The following GALNT13 variants were observed in gnomAD, a reference collection of about 807,000 sequenced individuals.
The protein encoded by GALNT13 is UDP-GalNAc:polypeptide N-acetylgalactosaminyltransferase 13.
Under a neutral mutation model 64.2 loss-of-function variants are expected in GALNT13, and 28 were observed. The ratio of observed to expected loss-of-function variants is 0.44; its 90% confidence interval spans 0.32 to 0.60. The LOEUF is 0.60. Among genes scored for constraint, GALNT13 ranks in the 20% least tolerant of loss-of-function variants. GALNT13 has a pLI of 0.05. For missense variants in GALNT13, 577 were observed against 669.8 expected, an observed-to-expected ratio of 0.86 and a Z score of 1.53; for synonymous variants, 214 against 224.6, an observed-to-expected ratio of 0.95 and a Z score of 0.42.
intron 4 of GALNT13, among the ~76,000 whole-genome samples, chr2:154,213,827 C>T (rs542330387): frequency 1.3e-5 from 2 of 152,034 alleles, no homozygotes; most frequent in African/African-American, 2.4e-5. Context: ...TTTGTATTTA[C>T]CTAAAATCAA....
chr2:154,018,760 A>C (rs1558910972), intron 3 of GALNT13, among the ~76,000 whole-genome samples: 1 of 151,372 alleles, frequency 6.6e-6, no homozygotes. Context: ...ATGAGGGAGA[A>C]AGAGAATGAG....
At chr2:153,935,507 T>A (rs1690842917) in intron 2 of GALNT13, among the ~76,000 whole-genome samples, 1 of 152,220 alleles carries the variant, frequency 6.6e-6, no homozygotes, top group Admixed American at 6.5e-5. Flanking sequence ...AGTGCTCAGA[T>A]ATCAGGAGAA....
At chr2:153,384,542 T>TTG in the GALNT13 span, among the ~76,000 whole-genome samples, 1 of 152,014 alleles carries the variant, frequency 6.6e-6, no homozygotes, top group Non-Finnish European at 1.5e-5. Context: ...TCATTCCAAC[T>TTG]GATTGTTGCC....
At chr2:153,880,157 A>G (rs9288286) in intron 1 of GALNT13, among the ~76,000 whole-genome samples, 76,938 of 151,938 alleles carry the variant, frequency 0.51, 20,605 homozygotes, top group East Asian at 0.9. Context: ...AAATATTCAT[A>G]TTTATGGAAG....
chr2:153,960,137 ACT>A (rs1692844570), intron 3 of GALNT13, among the ~76,000 whole-genome samples: 2 of 151,986 alleles, frequency 1.3e-5, no homozygotes, highest in African/African-American at 4.8e-5. Context: ...AAGTGTTACA[ACT>A]CTGTTTTGCT....
At chr2:153,482,254 A>C in the GALNT13 span, among the ~76,000 whole-genome samples, 1 of 152,178 alleles carries the variant, frequency 6.6e-6, no homozygotes, top group Non-Finnish European at 1.5e-5. Flanking sequence ...GGAAATGGCT[A>C]GGGGGTAGGT....
chr2:153,779,380 TAC>T, the GALNT13 span, among the ~76,000 whole-genome samples: 1 of 152,312 alleles, frequency 6.6e-6, no homozygotes, highest in South Asian at 2.1e-4. Context: ...TTGACACAGT[TAC>T]TACAAAGACA....
At chr2:153,483,940 C>T in the GALNT13 span, among the ~76,000 whole-genome samples, 1 of 152,010 alleles carries the variant, frequency 6.6e-6, no homozygotes, top group Non-Finnish European at 1.5e-5. Context: ...TGAAGAGTTT[C>T]TGGAAATGGA....
the GALNT13 span, among the ~76,000 whole-genome samples, chr2:153,125,777 G>C: frequency 2.0e-5 from 3 of 152,144 alleles, no homozygotes; most frequent in Non-Finnish European, 4.4e-5. Flanking sequence ...TGTCTAATTA[G>C]AATTAGTGTT....
At chr2:153,964,422 C>G (rs1422418914) in intron 3 of GALNT13, among the ~76,000 whole-genome samples, 1 of 152,084 alleles carries the variant, frequency 6.6e-6, no homozygotes, top group Non-Finnish European at 1.5e-5. Flanking sequence ...GCACTCCTGC[C>G]TAGGCTACAG....
the GALNT13 span, among the ~76,000 whole-genome samples, chr2:153,122,631 GA>G: frequency 6.6e-6 from 1 of 152,164 alleles, no homozygotes; most frequent in Non-Finnish European, 1.5e-5. Flanking sequence ...TGGTTGGCTT[GA>G]GCAGAGCTTG....
the GALNT13 span, among the ~76,000 whole-genome samples, chr2:153,179,667 A>T: frequency 6.6e-6 from 1 of 152,092 alleles, no homozygotes; most frequent in African/African-American, 2.4e-5. Context: ...AACAATATTA[A>T]TTTTTCCATA....
At chr2:153,170,181 A>T in the GALNT13 span, among the ~76,000 whole-genome samples, 1 of 152,172 alleles carries the variant, frequency 6.6e-6, no homozygotes, top group African/African-American at 2.4e-5. Flanking sequence ...TCTTTTTAGC[A>T]AACAATAGAG....
chr2:154,340,738 A>G (rs1695714548), intron 9 of GALNT13, among the ~76,000 whole-genome samples: 1 of 152,160 alleles, frequency 6.6e-6, no homozygotes, highest in Admixed American at 6.6e-5. Flanking sequence ...TGCCTAACCT[A>G]AAAAGATTAG....
At chr2:153,435,876 T>G in the GALNT13 span, among the ~76,000 whole-genome samples, 3 of 151,624 alleles carry the variant, frequency 2.0e-5, no homozygotes, top group Admixed American at 1.3e-4. Context: ...TGAATAGGAG[T>G]GGTGAGAGAG....
the GALNT13 span, among the ~76,000 whole-genome samples, chr2:153,827,156 C>CAG: frequency 1.3e-5 from 2 of 151,618 alleles, no homozygotes; most frequent in African/African-American, 2.4e-5. Context: ...AGGCAGCAGG[C>CAG]AGAGAGAGAG....
At position 154,076,647 on chromosome 2, in the gene GALNT13, G is replaced by A. The variant is rs1701003916; in HGVS notation, c.143-63690G>A. Among the ~76,000 whole-genome samples, 4 of 151,616 alleles carry A rather than the reference G, an allele frequency of 2.6e-5. No homozygotes were observed. In the Admixed American group the frequency reaches 2.6e-4, roughly 10 times the overall value. On this transcript the variant is annotated intron_variant, in intron 3 of 12. Transcript: ENST00000392825. ...CCCTAGAAATTATTGTCCAAAGTTG[G>A]ACCCTTTTTCTTGGATAAATGCTAA...
chr2:153,338,621 T>C, the GALNT13 span, among the ~76,000 whole-genome samples: 2 of 152,212 alleles, frequency 1.3e-5, no homozygotes, highest in East Asian at 1.9e-4. Flanking sequence ...AATTTTTTTG[T>C]GGTTGGAAGA....
the GALNT13 span, among the ~76,000 whole-genome samples, chr2:153,718,284 CAG>C: frequency 6.6e-6 from 1 of 152,084 alleles, no homozygotes; most frequent in African/African-American, 2.4e-5. Flanking sequence ...AACAAAAAAA[CAG>C]AATTAAGATT....
Sources: allele counts gnomAD v4.1 joint callset (sites outside exome capture counted in the v4.1 genomes callset), GRCh38; gene constraint gnomAD v4.1.1; transcripts MANE v1.5; gene names NCBI Gene and HGNC (gene_info 2026-07-23, HGNC 2026-07-21).